The following IST1 variants were observed in gnomAD, a reference collection of about 807,000 sequenced individuals.
The protein encoded by IST1 is IST1 factor associated with ESCRT-III.
IST1 carries 23 observed loss-of-function variants against 37.0 expected under a neutral mutation model. The observed-to-expected ratio is 0.62, with a 90% CI of 0.45 to 0.88. The LOEUF is 0.88. IST1 is among the 40% of genes least tolerant of loss of function. IST1 has a pLI of 0.00. For synonymous variants in IST1, 180 were observed against 161.7 expected (o/e 1.11, Z -0.86); for missense variants, 488 against 445.4 (o/e 1.10, Z -0.86).
chr16:71,897,624 A>G (rs1209552016), intron 1 of IST1, among the ~76,000 whole-genome samples: 1 of 152,226 alleles, frequency 6.6e-6, no homozygotes, highest in African/African-American at 2.4e-5. Flanking sequence ...CAGATGGTCA[A>G]AAGTTTGGAG....
intron 9 of IST1, among the ~76,000 whole-genome samples, chr16:71,926,715 C>A (rs577718298): frequency 1.3e-5 from 2 of 152,294 alleles, no homozygotes; most frequent in Admixed American, 6.5e-5. Flanking sequence ...ATTACTCTTA[C>A]CTCAAAGTTC....
In IST1 at chr16:71,929,346, T is replaced by TGTCTC. The variant is rs1432152655; in HGVS notation, c.*1536_*1540dup. On this transcript the variant is annotated 3_prime_UTR_variant, in exon 10 of 10. Coordinates refer to ENST00000378799, the MANE Select transcript of IST1 (RefSeq NM_001270975.2). ...TTGCTGCTTGGCAGCAGAGCTAGTTTGTCTCGTAGTATTCTTGCATTGTTA... is the reference window on the plus strand; with the variant it reads ...TTGCTGCTTGGCAGCAGAGCTAGTTTGTCTCGTCTCGTAGTATTCTTGCATTGTTA... The TGTCTC allele has an allele frequency of 3.5e-5, 18 of 514,708 alleles. No homozygotes were observed. Among genetic ancestry groups the TGTCTC allele is most frequent in the African/African-American group, 2.5e-4 (13 of 51,692 alleles). The allele number at this position is 514,708 out of a possible 1,614,324, so 31.9% of individuals were successfully genotyped here.
Position 71,929,622 on chromosome 16 carries a change from G to C in IST1, c.*1809G>C, listed in dbSNP as rs2037846942. 1 of 1,551,740 alleles carries C rather than the reference G, an allele frequency of 6.4e-7. No homozygotes were observed. The highest frequency in any genetic ancestry group is 8.7e-7 in the Non-Finnish European group (1 of 1,146,880). Reference sequence around the variant, plus strand: ...CAGATGAGGTTTTTTGGGGCCAACTGATTCCTAACAAATTTGAGAGCTTCT... The same window carrying C: ...CAGATGAGGTTTTTTGGGGCCAACTCATTCCTAACAAATTTGAGAGCTTCT... On this transcript the variant is annotated 3_prime_UTR_variant, in exon 10 of 10. Transcript: ENST00000378799.
Position 71,929,503 on chromosome 16 carries a change from C to A in IST1, c.*1690C>A, listed in dbSNP as rs1426551308. 2.6e-6 allele frequency: 4 copies of A among 1,521,720 alleles called. No homozygotes were observed. In the Admixed American group the frequency reaches 9.2e-5, roughly 35 times the overall value. The allele number at this position is 1,521,720 out of a possible 1,614,324, so 94.3% of individuals were successfully genotyped here. On this transcript the variant is annotated 3_prime_UTR_variant, in exon 10 of 10. Transcript: ENST00000378799. ...CCATGCAAAGATAAGTAGTAATACG[C>A]TAATAAATACTAAGCCAAGTAGGAG... is the stretch of plus-strand genomic sequence containing the variant.
At chr16:71,905,686 G>C (rs1021634008) in intron 1 of IST1, among the ~76,000 whole-genome samples, 3 of 152,120 alleles carry the variant, frequency 2.0e-5, no homozygotes, top group African/African-American at 4.8e-5. Flanking sequence ...AGTCGAACTT[G>C]TTTTCATAGG....
chr16:71,905,599 T>A (rs2037206335), intron 1 of IST1, among the ~76,000 whole-genome samples: 1 of 151,870 alleles, frequency 6.6e-6, no homozygotes, highest in South Asian at 2.1e-4. Context: ...AGGCTGGTCT[T>A]GAACTCCTGA....
At chr16:71,897,172 C>CTTT (rs35671031) in intron 1 of IST1, among the ~76,000 whole-genome samples, 2 of 65,532 alleles carry the variant, frequency 3.1e-5, no homozygotes, top group Non-Finnish European at 5.5e-5. Flanking sequence ...CCACGCCTGG[C>CTTT]TTTTTTTTTT....
At chr16:71,921,689 A>G (rs920331442) in intron 6 of IST1, 4 of 433,526 alleles carry the variant, frequency 9.2e-6, no homozygotes, top group African/African-American at 5.9e-5. Context: ...TGGCACTATT[A>G]TTGCTACTTT....
At chr16:71,926,022 CT>C (rs1451198124) in intron 9 of IST1, among the ~76,000 whole-genome samples, 1 of 152,156 alleles carries the variant, frequency 6.6e-6, no homozygotes, top group Non-Finnish European at 1.5e-5. Context: ...TGGCTCACCC[CT>C]GTAATCCCAG....
At chr16:71,915,808 A>G (rs767772182) in intron 2 of IST1, 80 bp downstream of exon 2, 22 of 838,102 alleles carry the variant, frequency 2.6e-5, no homozygotes, top group South Asian at 3.1e-5. Context: ...GGCCAGTACT[A>G]TGAAGTCTTA....
chr16:71,896,283 A>G (rs2142511984), intron 1 of IST1, among the ~76,000 whole-genome samples: 2 of 152,074 alleles, frequency 1.3e-5, no homozygotes. Context: ...AACAGCATAA[A>G]CTTTGAGGAG....
chr16:71,899,131 G>T (rs549356879), intron 1 of IST1, among the ~76,000 whole-genome samples: 1 of 152,200 alleles, frequency 6.6e-6, no homozygotes, highest in African/African-American at 2.4e-5. Context: ...TCTGAATTCT[G>T]AAGCCTTATT....
Position 71,927,738 on chromosome 16 carries a change from C to T in IST1, c.1026C>T (p.Ala342=), listed in dbSNP as rs1352353724. Residue 342 remains alanine, a synonymous_variant, in exon 10 of 10, where the codon GCC becomes GCT. Transcript: ENST00000378799. ...CACTACCAACTGCATCTGCTGGTGC[C>T]AGCACCTCAGCATCTGAAGACATTG... ...PDTLPTASAG[A]STSASEDIDF... 10 of 1,613,670 alleles carry T rather than the reference C, an allele frequency of 6.2e-6. No homozygotes were observed. Among genetic ancestry groups the T allele is most frequent in the African/African-American group, 1.3e-5 (1 of 74,906 alleles).
intron 1 of IST1, among the ~76,000 whole-genome samples, chr16:71,906,203 C>T (rs558569959): frequency 1.3e-3 from 202 of 151,692 alleles, no homozygotes; most frequent in Middle Eastern, 3.4e-3. Context: ...CGGGGTTTCG[C>T]TGTGTTAGCC....
intron 9 of IST1, among the ~76,000 whole-genome samples, chr16:71,927,164 T>C (rs2037763354): frequency 6.6e-6 from 1 of 152,150 alleles, no homozygotes; most frequent in African/African-American, 2.4e-5. Flanking sequence ...TTAGAAAATG[T>C]AGATATTAAC....
chr16:71,901,717 T>G (rs1754878082), intron 1 of IST1, among the ~76,000 whole-genome samples: 1 of 152,232 alleles, frequency 6.6e-6, no homozygotes, highest in African/African-American at 2.4e-5. Context: ...TTTTCTTTCC[T>G]TAATTCTAAA....
At chr16:71,922,323 A>C in intron 6 of IST1, 151 bp from the exon 7 acceptor site, 1 of 687,358 alleles carries the variant, frequency 1.5e-6, no homozygotes. Flanking sequence ...TTCTCCTTCC[A>C]CCTAACTCTG....
At chr16:71,908,717 G>T (rs2037283666) in intron 1 of IST1, among the ~76,000 whole-genome samples, 1 of 152,142 alleles carries the variant, frequency 6.6e-6, no homozygotes, top group African/African-American at 2.4e-5. Context: ...CCCCTTTCTA[G>T]TTCCTCAAGC....
chr16:71,900,793 A>G (rs773354181), intron 1 of IST1, among the ~76,000 whole-genome samples: 1 of 152,072 alleles, frequency 6.6e-6, no homozygotes, highest in African/African-American at 2.4e-5. Context: ...AGCTATACCC[A>G]TTTGATTGTG....
Sources: allele counts gnomAD v4.1 joint callset (sites outside exome capture counted in the v4.1 genomes callset), GRCh38; gene constraint gnomAD v4.1.1; transcripts MANE v1.5; gene names NCBI Gene and HGNC (gene_info 2026-07-23, HGNC 2026-07-21).